NCKIPSD: variants seen among roughly 807,000 people sequenced by gnomAD.
The protein encoded by NCKIPSD is NCK interacting protein with SH3 domain.
In NCKIPSD, 48 loss-of-function variants were observed where a neutral mutation model predicts 73.4. The observed-to-expected ratio is 0.65, with a 90% CI of 0.52 to 0.83. The LOEUF is 0.83. Ranked by LOEUF, NCKIPSD falls within the 40% of genes least tolerant of loss-of-function variation. NCKIPSD has a pLI of 0.00. For missense variants in NCKIPSD, 884 were observed against 970.2 expected, an observed-to-expected ratio of 0.91 and a Z score of 1.18; for synonymous variants, 422 against 403.6, an observed-to-expected ratio of 1.05 and a Z score of -0.54.
Position 48,679,568 on chromosome 3 carries a change from G to A in NCKIPSD, c.1489+7C>T. 1 of 1,613,772 alleles carries A rather than the reference G, an allele frequency of 6.2e-7. No individual in the cohort carries two copies. Among genetic ancestry groups the A allele is most frequent in the South Asian group, 1.1e-5 (1 of 91,074 alleles). ...AAGTTCCCTCCTACCCCGCCCTCCA[G>A]CCTCACCCTGCGTGTCTGTCTGCAT... On this transcript the variant is annotated splice_region_variant and intron_variant, in intron 8 of 12. Transcript: ENST00000294129.
At chr3:48,678,468 G>A in intron 12 of NCKIPSD, 96 bp downstream of exon 12, 1 of 1,429,432 alleles carries the variant, frequency 7.0e-7, no homozygotes, top group Admixed American at 2.4e-5. Context: ...TCCAGCAGTG[G>A]CCTTGCCCCC....
At chr3:48,679,230 C>A in intron 9 of NCKIPSD, 47 bp from the exon 10 acceptor site, 1 of 1,610,326 alleles carries the variant, frequency 6.2e-7, no homozygotes, top group East Asian at 2.2e-5. Flanking sequence ...CCCCTCCGAC[C>A]CCCGCACCAC....
Position 48,678,657 on chromosome 3 carries a change from G to A in NCKIPSD, c.1872C>T (p.Ser624=), listed in dbSNP as rs2077294880. The change falls in exon 12 of 13, where the codon AGC becomes AGT. Residue 624 remains serine, a synonymous_variant. Coordinates refer to ENST00000294129, the MANE Select transcript of NCKIPSD (RefSeq NM_016453.4). ...VLKFLQDVFG[S]PATAAIFYHT... ...GGTAGAAGATGGCAGCTGTGGCCGG[G>A]CTGCCAAACACGTCCTGCAGGAACT... 6.2e-7 allele frequency: 1 copy of A among 1,614,210 alleles called. No homozygotes were observed. The highest frequency in any genetic ancestry group is 8.5e-7 in the Non-Finnish European group (1 of 1,180,042).
intron 5 of NCKIPSD, 145 bp downstream of exon 5, chr3:48,681,142 A>G (rs1378158628): frequency 4.0e-6 from 5 of 1,258,680 alleles, no homozygotes; most frequent in African/African-American, 1.5e-5. Context: ...TGCTTCAGAA[A>G]TCAGCTCAAC....
Position 48,682,153 on chromosome 3 carries a change from G to A in NCKIPSD, c.490C>T (p.Pro164Ser), listed in dbSNP as rs554323003. ...LGADGGLYQI[P>S]LPSSQIPPQP... ...GGTGGGATCTGGGAAGATGGAAGTG[G>A]GATCTGGAAGATGGAAGTAGGATCT... Residue 164 changes from proline (P) to serine (S), a missense_variant, in exon 4 of 13, where the codon CCA (proline) becomes TCA (serine). By Grantham distance (74) the Pro-to-Ser change is moderately conservative. Transcript: ENST00000294129. 4.3e-5 allele frequency: 69 copies of A among 1,596,488 alleles called. No individual in the cohort carries two copies. In the South Asian group the frequency reaches 6.8e-4, roughly 16 times the overall value.
intron 1 of NCKIPSD, among the ~76,000 whole-genome samples, chr3:48,684,233 A>C (rs926412145): frequency 4.6e-5 from 7 of 152,166 alleles, no homozygotes; most frequent in Non-Finnish European, 1.0e-4. Flanking sequence ...GACACGCAGA[A>C]AGAAACAGAC....
At chr3:48,684,230 A>G (rs1030541736) in intron 1 of NCKIPSD, among the ~76,000 whole-genome samples, 1 of 152,190 alleles carries the variant, frequency 6.6e-6, no homozygotes, top group Non-Finnish European at 1.5e-5. Flanking sequence ...AGAGACACGC[A>G]GAAAGAAACA....
intron 11 of NCKIPSD, 31 bp from the exon 12 acceptor site, chr3:48,678,767 G>T (rs557146289): frequency 6.2e-7 from 1 of 1,611,228 alleles, no homozygotes; most frequent in Non-Finnish European, 8.5e-7. Context: ...CGGTCAGGGT[G>T]GACCTTGTGG....
chr3:48,678,021 A>C (rs989211877), intron 12 of NCKIPSD, among the ~76,000 whole-genome samples: 1 of 152,088 alleles, frequency 6.6e-6, no homozygotes, highest in South Asian at 2.1e-4. Flanking sequence ...AAGTTCTCCC[A>C]GCCTCCCCAA....
Position 48,683,295 on chromosome 3 carries a change from C to T in NCKIPSD, c.172-283G>A, listed in dbSNP as rs181861480. ...TCTTGGCTAAGATGTTTCTGAAAAT[C>T]AGAGGTCTAAAGCAAAAACATAGCC... On this transcript the variant is annotated intron_variant, in intron 1 of 12. Coordinates refer to ENST00000294129, the MANE Select transcript of NCKIPSD (RefSeq NM_016453.4). Among the ~76,000 whole-genome samples the T allele has an allele frequency of 2.6e-5, 4 of 152,292 alleles. No individual in the cohort carries two copies. The East Asian group carries it at 7.7e-4, about 29-fold the overall frequency.
In NCKIPSD at chr3:48,674,626, G is replaced by A; in HGVS notation, c.2087C>T (p.Thr696Ile). Residue 696 changes from threonine (T) to isoleucine (I), a missense_variant, in exon 13 of 13, where the codon ACC becomes ATC. Coordinates refer to ENST00000294129, the MANE Select transcript of NCKIPSD (RefSeq NM_016453.4). ...ILRRILNEEETSPQCQMDRMI... is the reference protein window; with the variant it reads ...ILRRILNEEEISPQCQMDRMI... Reference sequence around the variant, plus strand: ...GCGGTCCATCTGGCACTGGGGTGAGGTCTCCTCCTCATTCAGGATGCGTCG... The same window carrying A: ...GCGGTCCATCTGGCACTGGGGTGAGATCTCCTCCTCATTCAGGATGCGTCG... 1 of 1,613,232 alleles carries A rather than the reference G, an allele frequency of 6.2e-7. No individual in the cohort carries two copies. The highest frequency in any genetic ancestry group is 8.5e-7 in the Non-Finnish European group (1 of 1,179,680).
At position 48,680,082 on chromosome 3, in the gene NCKIPSD, G is replaced by A; in HGVS notation, c.1240C>T (p.Leu414=). The A allele has an allele frequency of 6.2e-7, 1 of 1,613,514 alleles. No individual in the cohort carries two copies. Residue 414 remains leucine (L), a synonymous_variant, in exon 6 of 13, where the codon CTA becomes TTA. Transcript: ENST00000294129. ...YEDEGVIRCY[L]EELLHILTDA... is the part of the protein sequence containing the mutation. The stretch of plus-strand genomic sequence containing the variant: ...ACCAGAATATGCAGCAGCTCCTCTA[G>A]GTAGCAGCGGATGACACCCTCATCC...
intron 1 of NCKIPSD, among the ~76,000 whole-genome samples, chr3:48,684,359 G>A (rs1174653108): frequency 6.6e-6 from 1 of 152,172 alleles, no homozygotes; most frequent in Admixed American, 6.5e-5. Flanking sequence ...GGAAGAGACA[G>A]GACTTTTCCT....
rs766184231 is a variant in NCKIPSD, at chr3:48,682,165, T to C, written c.487-9A>G. On this transcript the variant is annotated splice_polypyrimidine_tract_variant and intron_variant, in intron 3 of 12. Coordinates refer to ENST00000294129, the MANE Select transcript of NCKIPSD (RefSeq NM_016453.4). ...GAAGATGGAAGTGGGATCTGGAAGA[T>C]GGAAGTAGGATCTTGGAGGACAGAC... The C allele has an allele frequency of 5.6e-6, 9 of 1,594,594 alleles. No homozygotes were observed. The highest frequency in any genetic ancestry group is 2.2e-5 in the South Asian group (2 of 90,238).
chr3:48,682,260 G>T, intron 3 of NCKIPSD, 88 bp downstream of exon 3: 1 of 1,576,264 alleles, frequency 6.3e-7, no homozygotes, highest in South Asian at 1.1e-5. Flanking sequence ...GCTCTGGGCC[G>T]CATCACTCCT....
chr3:48,682,052 A>G lies in NCKIPSD; in HGVS notation c.591T>C (p.Ser197=). Residue 197 remains serine, a synonymous_variant, in exon 4 of 13, where the codon TCT becomes TCC. Transcript: ENST00000294129. ...CTAACCCTGCCTTCTTACCACTCCC[A>G]GAGGCCATCAGGGCCTCGCGGTCTC... ...KRRDREALMA[S]GSGGHNTMPS... 3.1e-6 allele frequency: 5 copies of G among 1,600,832 alleles called. No individual in the cohort carries two copies. The highest frequency in any genetic ancestry group is 4.2e-6 in the Non-Finnish European group (5 of 1,179,772).
chr3:48,682,239 G>A, intron 3 of NCKIPSD, 83 bp from the exon 4 acceptor site: 1 of 1,564,002 alleles, frequency 6.4e-7, no homozygotes, highest in Non-Finnish European at 8.7e-7. Context: ...CTGGCTGTGG[G>A]CAGGACTATG....
rs1406956840 is a variant in NCKIPSD at position 48,682,129 on chromosome 3, G to A, written c.514C>T (p.Pro172Ser). 1 of 1,599,922 alleles carries A rather than the reference G, an allele frequency of 6.3e-7. No homozygotes were observed. The highest frequency in any genetic ancestry group is 1.1e-5 in the South Asian group (1 of 90,924). ...GTGGGTGCTGCTCGGCGAGGCTGTGGTGGGATCTGGGAAGATGGAAGTGGG... is the reference window on the plus strand; with the variant it reads ...GTGGGTGCTGCTCGGCGAGGCTGTGATGGGATCTGGGAAGATGGAAGTGGG... ...QIPLPSSQIP[P>S]QPRRAAPTTP... Residue 172 changes from proline to serine, a missense_variant, in exon 4 of 13, where the codon CCA becomes TCA. Physicochemically the swap from Pro to Ser is moderately conservative, Grantham distance 74. Transcript: ENST00000294129.
At position 48,684,234 on chromosome 3, in the gene NCKIPSD, A is replaced by G. The variant is rs114515874; in HGVS notation, c.172-1222T>C. On this transcript the variant is annotated intron_variant, in intron 1 of 12. Transcript: ENST00000294129. ...TCCAGACAGAAAGAGACACGCAGAAAGAAACAGACAGTGACAGAGAAGATG... is the reference window on the plus strand; with the variant it reads ...TCCAGACAGAAAGAGACACGCAGAAGGAAACAGACAGTGACAGAGAAGATG... 1.2e-4 allele frequency among the ~76,000 whole-genome samples: 18 copies of G among 152,302 alleles called. No individual in the cohort carries two copies. The East Asian group carries it at 2.5e-3, about 21-fold the overall frequency.
Sources: gnomAD v4.1 joint callset for allele counts (sites outside exome capture counted in the v4.1 genomes callset) on GRCh38, gnomAD v4.1.1 for gene constraint, MANE v1.5 for transcripts, NCBI Gene and HGNC (gene_info 2026-07-23, HGNC 2026-07-21) for gene names.